SLC25A21: variants seen among roughly 807,000 people sequenced by gnomAD.
The protein encoded by SLC25A21 is solute carrier family 25 member 21, also known as mitochondrial 2-oxodicarboxylate carrier.
A neutral mutation model predicts 43.8 loss-of-function variants in SLC25A21; 47 were observed. That is an observed-to-expected ratio of 1.07 (90% CI 0.85 to 1.37). The LOEUF (loss-of-function observed/expected upper bound fraction) is 1.37. Ranked by LOEUF, SLC25A21 falls within the 40% of genes most tolerant of loss-of-function variation. The pLI is 0.00. For synonymous variants in SLC25A21, 131 were observed against 121.3 expected (o/e 1.08, Z -0.52); for missense variants, 352 against 350.2 (o/e 1.00, Z -0.04).
intron 3 of SLC25A21, among the ~76,000 whole-genome samples, chr14:36,784,416 T>C (rs1887178113): frequency 6.6e-6 from 1 of 152,176 alleles, no homozygotes. Flanking sequence ...AGCTCTTCTG[T>C]AGCACTGATT....
At chr14:36,911,724 T>C (rs1304242630) in intron 1 of SLC25A21, among the ~76,000 whole-genome samples, 1 of 152,068 alleles carries the variant, frequency 6.6e-6, no homozygotes, top group Admixed American at 6.5e-5. Flanking sequence ...TATCTGATTG[T>C]AACTGCATGA....
intron 1 of SLC25A21, among the ~76,000 whole-genome samples, chr14:37,085,811 C>T (rs1299315391): frequency 6.6e-6 from 1 of 152,258 alleles, no homozygotes; most frequent in East Asian, 1.9e-4. Flanking sequence ...AAAACACTTA[C>T]TTCTGAAAAC....
chr14:36,768,029 T>C (rs1886478576), intron 3 of SLC25A21, among the ~76,000 whole-genome samples: 1 of 152,188 alleles, frequency 6.6e-6, no homozygotes, highest in Non-Finnish European at 1.5e-5. Flanking sequence ...AATTTTGCAG[T>C]GTGGAAAAAC....
At chr14:37,144,774 G>A (rs1281895391) in intron 1 of SLC25A21, among the ~76,000 whole-genome samples, 1 of 63,464 alleles carries the variant, frequency 1.6e-5, no homozygotes, top group East Asian at 5.2e-4. Context: ...CATATGTGAA[G>A]TTGTTTTGGG....
At chr14:36,751,923 A>G (rs1885724550) in intron 3 of SLC25A21, among the ~76,000 whole-genome samples, 1 of 152,194 alleles carries the variant, frequency 6.6e-6, no homozygotes, top group Non-Finnish European at 1.5e-5. Context: ...TTTGGAGTCT[A>G]TATTTGGAAT....
At chr14:36,870,572 C>T (rs1188175288) in intron 2 of SLC25A21, 2 of 152,200 alleles carry the variant, frequency 1.3e-5, no homozygotes, top group Non-Finnish European at 2.9e-5. Context: ...AGGGCACACT[C>T]TATTCCACAT....
intron 1 of SLC25A21, among the ~76,000 whole-genome samples, chr14:37,050,964 T>A (rs772533107): frequency 3.0e-4 from 46 of 152,244 alleles, no homozygotes; most frequent in Non-Finnish European, 5.9e-4. Context: ...CTTTTCAGGT[T>A]AATACATCTA....
chr14:37,147,847 T>TTC (rs1963694288), intron 1 of SLC25A21, among the ~76,000 whole-genome samples: 1 of 144,354 alleles, frequency 6.9e-6, no homozygotes, highest in Admixed American at 6.9e-5. Context: ...TTCTTTTCTT[T>TTC]TTTTTTTTTT....
intron 1 of SLC25A21, among the ~76,000 whole-genome samples, chr14:36,886,454 C>A (rs2138575824): frequency 6.6e-6 from 1 of 152,324 alleles, no homozygotes; most frequent in South Asian, 2.1e-4. Flanking sequence ...GTAACTAACA[C>A]TAAGCAATGG....
intron 1 of SLC25A21, among the ~76,000 whole-genome samples, chr14:36,929,784 C>T (rs578146968): frequency 6.6e-6 from 1 of 152,276 alleles, no homozygotes; most frequent in South Asian, 2.1e-4. Flanking sequence ...TTCTTTCCTT[C>T]CCTGGATAAG....
At chr14:37,077,682 T>C (rs1962308255) in intron 1 of SLC25A21, among the ~76,000 whole-genome samples, 4 of 152,218 alleles carry the variant, frequency 2.6e-5, no homozygotes, top group Admixed American at 2.6e-4. Flanking sequence ...AAATATTTCC[T>C]AAAGAAAAAG....
intron 1 of SLC25A21, among the ~76,000 whole-genome samples, chr14:37,057,107 C>T (rs1045483481): frequency 1.3e-5 from 2 of 152,162 alleles, no homozygotes; most frequent in Non-Finnish European, 2.9e-5. Flanking sequence ...TAAAGGAATG[C>T]ATTATCATTT....
chr14:37,105,061 G>A (rs1293071464), intron 1 of SLC25A21, among the ~76,000 whole-genome samples: 1 of 152,070 alleles, frequency 6.6e-6, no homozygotes, highest in Non-Finnish European at 1.5e-5. Flanking sequence ...TATCATCACT[G>A]GCACACCTAC....
intron 1 of SLC25A21, among the ~76,000 whole-genome samples, chr14:36,909,216 C>T (rs866984956): frequency 9.2e-5 from 14 of 152,204 alleles, no homozygotes; most frequent in Middle Eastern, 3.4e-3. Flanking sequence ...ACTTTGAGTA[C>T]GAGGGGTCTG....
In SLC25A21 at chr14:36,904,379, A is replaced by C. The variant is rs528507511; in HGVS notation, c.71-29375T>G. 1.8e-3 allele frequency among the ~76,000 whole-genome samples: 273 copies of C among 152,304 alleles called. 1 individual carries two copies. The highest frequency in any genetic ancestry group is 3.4e-3 in the Non-Finnish European group (230 of 68,014). On this transcript the variant is annotated intron_variant, in intron 1 of 9. Transcript: ENST00000331299. The stretch of plus-strand genomic sequence containing the variant: ...AAAATACAGAATGGTTTTTCCCTTA[A>C]ATTTCAAAGGTTGCAAGAGATTTTT...
At position 36,680,698 on chromosome 14, in the gene SLC25A21, A is replaced by T. The variant is rs201887460; in HGVS notation, c.860T>A (p.Val287Asp). The T allele has an allele frequency of 1.1e-5, 18 of 1,613,316 alleles. No individual in the cohort carries two copies. In the African/African-American group the frequency reaches 1.6e-4, roughly 14 times the overall value. The change falls in exon 10 of 10, where the codon GTT becomes GAT. Residue 287 changes from valine (V) to aspartate (D), a missense_variant. Val to Asp is a radical substitution (Grantham distance 152, BLOSUM62 -3). Coordinates refer to ENST00000331299, the MANE Select transcript of SLC25A21 (RefSeq NM_030631.4). The part of the protein sequence containing the change: ...LGPGGAVMLL[V>D]YEYTYSWLQE... The stretch of plus-strand genomic sequence containing the variant: ...AAGCCATGAATAGGTGTATTCATAA[A>T]CCAGCAGCATCACTGCACCACCTAG...
intron 7 of SLC25A21, among the ~76,000 whole-genome samples, chr14:36,695,048 C>T (rs1882956341): frequency 6.6e-6 from 1 of 152,186 alleles, no homozygotes; most frequent in African/African-American, 2.4e-5. Context: ...TTAGTTCTAA[C>T]ATGTAAGTCT....
At chr14:36,693,277 C>T in intron 7 of SLC25A21, among the ~76,000 whole-genome samples, 1 of 152,182 alleles carries the variant, frequency 6.6e-6, no homozygotes, top group East Asian at 1.9e-4. Context: ...GAGGGATTCT[C>T]CTCTGGCTGA....
chr14:36,903,725 C>T (rs848697), intron 1 of SLC25A21, among the ~76,000 whole-genome samples: 72,829 of 146,950 alleles, frequency 0.5, 19,483 homozygotes, highest in East Asian at 0.99. Flanking sequence ...CTAAAATAAA[C>T]ATCTGGCTTC....
Sources: gnomAD v4.1 joint callset for allele counts (sites outside exome capture counted in the v4.1 genomes callset) on GRCh38, gnomAD v4.1.1 for gene constraint, MANE v1.5 for transcripts, NCBI Gene and HGNC (gene_info 2026-07-23, HGNC 2026-07-21) for gene names.